The following PCDHGA3 variants were observed in gnomAD, a reference collection of about 807,000 sequenced individuals.
PCDHGA3 encodes the protein protocadherin gamma-A3.
A neutral mutation model predicts 58.5 loss-of-function variants in PCDHGA3; 40 were observed. That is an observed-to-expected ratio of 0.68 (90% CI 0.53 to 0.89). The LOEUF (loss-of-function observed/expected upper bound fraction) is 0.89, where lower values mean the gene tolerates loss of function less well. Ranked by LOEUF, PCDHGA3 falls within the 40% of genes least tolerant of loss-of-function variation. PCDHGA3 has a pLI of 0.00. For synonymous variants in PCDHGA3, 530 were observed against 525.7 expected, an observed-to-expected ratio of 1.01 and a Z score of -0.11; for missense variants, 1,223 against 1,195.9, an observed-to-expected ratio of 1.02 and a Z score of -0.33.
chr5:141,452,844 C>T (rs1239022315), intron 1 of PCDHGA3, among the ~76,000 whole-genome samples: 1 of 152,204 alleles, frequency 6.6e-6, no homozygotes, highest in Non-Finnish European at 1.5e-5. Context: ...CCAGCCCACA[C>T]TCTGGGGAGA....
At position 141,413,407 on chromosome 5, in the gene PCDHGA3, C is replaced by G. The variant is rs372466798; in HGVS notation, c.2424+66950C>G. The G allele has an allele frequency of 3.3e-5, 53 of 1,613,926 alleles. No homozygotes were observed. Among genetic ancestry groups the G allele is most frequent in the Middle Eastern group, 1.6e-4 (1 of 6,082 alleles). ...CATAGTCTCCAGAGGTAGGACGCAG[C>G]TTTTCTCTCTGAACCCGCGCAGCGG... On this transcript the variant is annotated intron_variant, in intron 1 of 3. Transcript: ENST00000253812.
rs770572086 is a variant in PCDHGA3 at position 141,346,086 on chromosome 5, A to G, written c.2053A>G (p.Asn685Asp). Reference sequence around the variant, plus strand: ...CAGCCTCGAGCCCTCCGCCAAACCCAACGATTCGGACCTCACTCTGTACCT... The same window carrying G: ...CAGCCTCGAGCCCTCCGCCAAACCCGACGATTCGGACCTCACTCTGTACCT... ...LGSLEPSAKP[N>D]DSDLTLYLVV... is the part of the protein sequence containing the mutation. Residue 685 changes from asparagine (N) to aspartate (D), a missense_variant, in exon 1 of 4, where the codon AAC becomes GAC. This residue lies in a region of PCDHGA3 where 107 missense variants were observed against 159.8 expected (regional missense o/e 0.67). Coordinates refer to ENST00000253812, the MANE Select transcript of PCDHGA3 (RefSeq NM_018916.4). 1.9e-6 allele frequency: 3 copies of G among 1,613,218 alleles called. No individual in the cohort carries two copies. The highest frequency in any genetic ancestry group is 2.2e-5 in the South Asian group (2 of 91,022).
chr5:141,419,315 C>A lies in PCDHGA3; in HGVS notation c.2424+72858C>A, dbSNP rs2096357855. ...TGACCCAGACTTCGGGCTCAACGGC[C>A]GTGTCTCCTACTCTCTCATTGCCAG... On this transcript the variant is annotated intron_variant, in intron 1 of 3. Transcript: ENST00000253812. 3 of 1,613,880 alleles carry A rather than the reference C, an allele frequency of 1.9e-6. No homozygotes were observed. Among genetic ancestry groups the A allele is most frequent in the Non-Finnish European group, 2.5e-6 (3 of 1,179,910 alleles).
Position 141,489,424 on chromosome 5 carries a change from C to T in PCDHGA3, c.2425-5383C>T, listed in dbSNP as rs758049228. The T allele has an allele frequency of 5.0e-5, 80 of 1,613,958 alleles. No homozygotes were observed. In the Admixed American group the frequency reaches 1.1e-3, roughly 23 times the overall value. On this transcript the variant is annotated intron_variant, in intron 1 of 3. Coordinates refer to ENST00000253812, the MANE Select transcript of PCDHGA3 (RefSeq NM_018916.4). The surrounding 1 kb of genome is among the most constrained non-coding windows in gnomAD (Gnocchi z 4.5). ...CTTAAAGATGACAGATCTGTTGAGC[C>T]GGCGGCTGCAATTGGGCTCTGAGGA...
chr5:141,511,241 C>A lies in PCDHGA3; in HGVS notation c.*68C>A. On this transcript the variant is annotated 3_prime_UTR_variant, in exon 4 of 4. Coordinates refer to ENST00000253812, the MANE Select transcript of PCDHGA3 (RefSeq NM_018916.4). ...CCAGCCCAGCTTCTCCTTACCTGCA[C>A]CCAGGCCTCAGAGTTTCAGGGCTAA... 1 of 1,585,212 alleles carries A rather than the reference C, an allele frequency of 6.3e-7. No individual in the cohort carries two copies. The highest frequency in any genetic ancestry group is 8.6e-7 in the Non-Finnish European group (1 of 1,165,762).
intron 1 of PCDHGA3, among the ~76,000 whole-genome samples, chr5:141,450,166 T>TCCCACCACACC (rs1046248061): frequency 2.0e-5 from 3 of 151,062 alleles, no homozygotes; most frequent in African/African-American, 7.3e-5. Flanking sequence ...GCCACCACAC[T>TCCCACCACACC]CCCACCACAC....
intron 1 of PCDHGA3, chr5:141,428,344 G>C (rs970552377): frequency 8.4e-6 from 5 of 596,498 alleles, no homozygotes; most frequent in Non-Finnish European, 1.5e-5. Context: ...CTTCTTCCTC[G>C]CAGTGATTTT....
At chr5:141,352,413 A>T in intron 1 of PCDHGA3, 1 of 1,613,962 alleles carries the variant, frequency 6.2e-7, no homozygotes, top group Non-Finnish European at 8.5e-7. Context: ...TCCAGCCTCG[A>T]CACTGAGGGC....
chr5:141,360,241 T>C lies in PCDHGA3; in HGVS notation c.2424+13784T>C, dbSNP rs371403228. The C allele has an allele frequency of 6.4e-5, 103 of 1,613,930 alleles. No homozygotes were observed. The African/African-American group carries it at 1.3e-3, about 20-fold the overall frequency. ...GGCTCTCCCAGTCCAGATCCGCTATTCAATTCCAGAGGAGCTGGCCAAAAA... is the reference window on the plus strand; with the variant it reads ...GGCTCTCCCAGTCCAGATCCGCTATCCAATTCCAGAGGAGCTGGCCAAAAA... On this transcript the variant is annotated intron_variant, in intron 1 of 3. Transcript: ENST00000253812.
chr5:141,510,958 G>A lies in PCDHGA3; in HGVS notation c.2584G>A (p.Gly862Arg). 6.2e-7 allele frequency: 1 copy of A among 1,614,130 alleles called. No homozygotes were observed. Among genetic ancestry groups the A allele is most frequent in the Non-Finnish European group, 8.5e-7 (1 of 1,180,012 alleles). The change falls in exon 4 of 4, where the codon GGG becomes AGG. Residue 862 changes from glycine to arginine, a missense_variant. This residue lies in a region of PCDHGA3 where 325 missense variants were observed against 327.5 expected (regional missense o/e 0.99). Transcript: ENST00000253812. The stretch of plus-strand genomic sequence containing the variant: ...CTCTGTCTCTGCAGAAGCTGCTGAT[G>A]GGAGCTCCACCCTGGGAGGGGGTGC... ...ILASASEAAD[G>R]SSTLGGGAGT...
At chr5:141,478,063 A>G in intron 1 of PCDHGA3, 1 of 1,614,168 alleles carries the variant, frequency 6.2e-7, no homozygotes, top group Non-Finnish European at 8.5e-7. Context: ...TCTTGATCAA[A>G]GACAATGGGG....
intron 1 of PCDHGA3, chr5:141,399,366 G>A (rs1390489498): frequency 3.7e-6 from 6 of 1,613,850 alleles, no homozygotes; most frequent in Middle Eastern, 3.3e-4. Flanking sequence ...AAACCCCGGA[G>A]TACAATGTCA....
At position 141,432,995 on chromosome 5, in the gene PCDHGA3, G is replaced by A. The variant is rs576866505; in HGVS notation, c.2425-61812G>A. On this transcript the variant is annotated intron_variant, in intron 1 of 3. Transcript: ENST00000253812. This position sits in a 1 kb window ranked among gnomAD's most constrained non-coding sequence, Gnocchi z 6.0. ...GTCGCACTTTGTGGGCGTGGACGGGGTGCAGGCTTTCCTGCAGACCTATTC... is the reference window on the plus strand; with the variant it reads ...GTCGCACTTTGTGGGCGTGGACGGGATGCAGGCTTTCCTGCAGACCTATTC... The A allele has an allele frequency of 1.2e-6, 2 of 1,614,226 alleles. No individual in the cohort carries two copies. The highest frequency in any genetic ancestry group is 3.3e-5 in the Admixed American group (2 of 60,028).
Position 141,345,116 on chromosome 5 carries a change from C to A in PCDHGA3, c.1083C>A (p.Thr361=). ...CAAGCTCAGTCCCAGAAGAGGGCAC[C>A]GTTGGAAGAGAAATTGCTCTTATCG... ...SLTSSVPEEG[T]VGREIALIDV... is the part of the protein sequence containing the mutation. The change falls in exon 1 of 4, where the codon ACC becomes ACA. Residue 361 remains threonine (T), a synonymous_variant. Transcript: ENST00000253812. 1 of 1,613,858 alleles carries A rather than the reference C, an allele frequency of 6.2e-7. No individual in the cohort carries two copies. The highest frequency in any genetic ancestry group is 1.3e-5 in the African/African-American group (1 of 74,986).
intron 1 of PCDHGA3, chr5:141,362,503 A>C: frequency 6.2e-7 from 1 of 1,614,050 alleles, no homozygotes; most frequent in South Asian, 1.1e-5. Context: ...TTGGGAACAA[A>C]ATACAAATCA....
chr5:141,393,187 A>T (rs1327222319), intron 1 of PCDHGA3: 1 of 1,613,380 alleles, frequency 6.2e-7, no homozygotes, highest in East Asian at 2.2e-5. Flanking sequence ...GAAATAATTG[A>T]TATTAACGAT....
chr5:141,386,424 C>A (rs1233589909), intron 1 of PCDHGA3, among the ~76,000 whole-genome samples: 1 of 151,904 alleles, frequency 6.6e-6, no homozygotes, highest in Non-Finnish European at 1.5e-5. Flanking sequence ...AAGCTGTAGC[C>A]CACCTGCATG....
At position 141,421,063 on chromosome 5, in the gene PCDHGA3, G is replaced by A. The variant is rs575695102; in HGVS notation, c.2425-73744G>A. 4.7e-4 allele frequency: 274 copies of A among 581,982 alleles called. 4 individuals are homozygous for A. The South Asian group carries it at 6.4e-3, about 14-fold the overall frequency. 36.1% of individuals were successfully genotyped at this position (581,982 alleles called of 1,614,324 possible). On this transcript the variant is annotated intron_variant, in intron 1 of 3. Transcript: ENST00000253812. ...CTCCCCCGCCTCTACCACACAAAGC[G>A]GAATGAGATGGATACTCACAGATCC... is the stretch of plus-strand genomic sequence containing the variant.
intron 1 of PCDHGA3, chr5:141,388,588 C>T: frequency 6.2e-7 from 1 of 1,613,876 alleles, no homozygotes; most frequent in Non-Finnish European, 8.5e-7. Context: ...GTGACTGATG[C>T]CAATGATAAT....
Sources: gnomAD v4.1 joint callset for allele counts (sites outside exome capture counted in the v4.1 genomes callset) on GRCh38, gnomAD v4.1.1 for gene constraint, gnomAD v4.1.1 regional missense constraint, Gnocchi (gnomAD v3.1) non-coding constraint, MANE v1.5 for transcripts, NCBI Gene and HGNC (gene_info 2026-07-23, HGNC 2026-07-21) for gene names.